DLGAP2: variants seen among roughly 807,000 people sequenced by gnomAD.
DLGAP2 encodes DLG associated protein 2.
A neutral mutation model predicts 100.3 loss-of-function variants in DLGAP2; 26 were observed. The observed-to-expected ratio is 0.26, with a 90% CI of 0.19 to 0.36. DLGAP2 has a LOEUF of 0.36. Ranked by LOEUF, DLGAP2 falls within the 10% of genes least tolerant of loss-of-function variation. The pLI, the probability that DLGAP2 is intolerant of heterozygous loss-of-function variation, is 1.00. For synonymous variants in DLGAP2, 886 were observed against 630.1 expected, an observed-to-expected ratio of 1.41 and a Z score of -6.08; for missense variants, 1,858 against 1,453.2, an observed-to-expected ratio of 1.28 and a Z score of -4.53.
intron 1 of DLGAP2, among the ~76,000 whole-genome samples, chr8:907,304 C>T (rs934206896): frequency 1.3e-5 from 2 of 152,298 alleles, no homozygotes; most frequent in African/African-American, 2.4e-5. Flanking sequence ...TTCAGCTGCA[C>T]GTTACCGGAG....
At chr8:1,619,423 C>T (rs1585001523) in intron 6 of DLGAP2, among the ~76,000 whole-genome samples, 1 of 152,226 alleles carries the variant, frequency 6.6e-6, no homozygotes, top group African/African-American at 2.4e-5. Context: ...TATCAATTTT[C>T]TCTCAATTAA....
chr8:827,820 A>G (rs999975344), intron 1 of DLGAP2, among the ~76,000 whole-genome samples: 1 of 152,170 alleles, frequency 6.6e-6, no homozygotes, highest in African/African-American at 2.4e-5. Flanking sequence ...TTATCGGGGG[A>G]CCTGCCCCGA....
intron 2 of DLGAP2, among the ~76,000 whole-genome samples, chr8:1,007,931 G>A (rs934458968): frequency 6.6e-6 from 1 of 152,102 alleles, no homozygotes; most frequent in African/African-American, 2.4e-5. Flanking sequence ...ACTCCATGGC[G>A]CCCGGTCCGT....
chr8:1,188,358 G>A (rs867159833), intron 2 of DLGAP2, among the ~76,000 whole-genome samples: 147 of 133,270 alleles, frequency 1.1e-3, no homozygotes, highest in Middle Eastern at 4.3e-3. Context: ...CGGGACCTCC[G>A]TGACGTTTGC....
chr8:1,522,543 C>T (rs1800642639), intron 4 of DLGAP2, among the ~76,000 whole-genome samples: 1 of 152,196 alleles, frequency 6.6e-6, no homozygotes, highest in African/African-American at 2.4e-5. Flanking sequence ...ATCAGCAGAT[C>T]CTTTACTTCC....
intron 7 of DLGAP2, among the ~76,000 whole-genome samples, chr8:1,631,313 T>C (rs1797639425): frequency 6.6e-6 from 1 of 152,080 alleles, no homozygotes; most frequent in Non-Finnish European, 1.5e-5. Context: ...GGGTCGGGCT[T>C]ACAGAAGGGT....
intron 4 of DLGAP2, among the ~76,000 whole-genome samples, chr8:1,545,284 C>T (rs988247188): frequency 4.6e-5 from 7 of 152,134 alleles, no homozygotes; most frequent in Admixed American, 1.3e-4. Flanking sequence ...ACAAGCACGG[C>T]GTGCACCCTG....
intron 6 of DLGAP2, among the ~76,000 whole-genome samples, chr8:1,594,610 G>C (rs1240872346): frequency 6.6e-6 from 1 of 152,070 alleles, no homozygotes; most frequent in Admixed American, 6.6e-5. Context: ...TCACCAAACA[G>C]ATGGGGTTTC....
intron 3 of DLGAP2, among the ~76,000 whole-genome samples, chr8:1,360,612 C>G (rs1301639450): frequency 1.3e-5 from 2 of 152,076 alleles, no homozygotes; most frequent in African/African-American, 4.8e-5. Flanking sequence ...CACAGGAAAT[C>G]CACCTCAGCC....
chr8:1,116,159 G>A (rs1468379065), intron 2 of DLGAP2, among the ~76,000 whole-genome samples: 1 of 152,216 alleles, frequency 6.6e-6, no homozygotes, highest in African/African-American at 2.4e-5. Flanking sequence ...TCCCCATGGG[G>A]TGCGCAGGCG....
At chr8:1,332,322 G>A (rs1699422725) in intron 3 of DLGAP2, among the ~76,000 whole-genome samples, 1 of 152,032 alleles carries the variant, frequency 6.6e-6, no homozygotes, top group African/African-American at 2.4e-5. Context: ...GTGTCTGTAT[G>A]CGAGGGTATA....
At chr8:765,376 A>G (rs1821184449) in intron 1 of DLGAP2, among the ~76,000 whole-genome samples, 1 of 152,172 alleles carries the variant, frequency 6.6e-6, no homozygotes, top group Admixed American at 6.5e-5. Context: ...TAAACCTGTT[A>G]TGCGGTGGAT....
intron 3 of DLGAP2, among the ~76,000 whole-genome samples, chr8:1,357,750 G>T (rs974065066): frequency 6.6e-6 from 1 of 152,214 alleles, no homozygotes; most frequent in African/African-American, 2.4e-5. Context: ...AGCAAGCGCT[G>T]TGTTCTGCTG....
chr8:793,133 A>G (rs749932764), intron 1 of DLGAP2, among the ~76,000 whole-genome samples: 19 of 152,012 alleles, frequency 1.2e-4, no homozygotes, highest in Non-Finnish European at 1.9e-4. Flanking sequence ...GTTAATTTTT[A>G]TTCGCTTTTC....
Position 737,733 on chromosome 8 carries a change from C to T in DLGAP2, c.-75C>T. The T allele has an allele frequency of 1.3e-5, 5 of 375,370 alleles. No homozygotes were observed. Among genetic ancestry groups the T allele is most frequent in the Non-Finnish European group, 2.4e-5 (5 of 210,812 alleles). 23.3% of individuals were successfully genotyped at this position (375,370 alleles called of 1,614,324 possible). On this transcript the variant is annotated 5_prime_UTR_variant, in exon 1 of 15. Transcript: ENST00000637795. ...GACGTACTGACCCCAACCCGCGAGC[C>T]CCGGGAGCCGTCGGTCTGAGGAGGG... is the stretch of plus-strand genomic sequence containing the variant.
intron 3 of DLGAP2, among the ~76,000 whole-genome samples, chr8:1,282,710 C>T (rs1799841440): frequency 7.5e-6 from 1 of 133,842 alleles, no homozygotes; most frequent in South Asian, 2.6e-4. Flanking sequence ...CGTGGTGTGA[C>T]CTGAACCCAG....
At chr8:927,415 A>G (rs770054711) in intron 2 of DLGAP2, among the ~76,000 whole-genome samples, 11 of 152,174 alleles carry the variant, frequency 7.2e-5, no homozygotes, top group Non-Finnish European at 1.2e-4. Context: ...CTACCTGAGC[A>G]TACGCGGCAC....
intron 2 of DLGAP2, chr8:1,246,650 CGAT>C (rs1798907754): frequency 2.0e-5 from 3 of 152,290 alleles, no homozygotes; most frequent in Admixed American, 2.0e-4. Context: ...TGCTTTCACA[CGAT>C]GAAGATGGAA....
At chr8:1,323,736 A>G (rs558110816) in intron 3 of DLGAP2, among the ~76,000 whole-genome samples, 5 of 152,204 alleles carry the variant, frequency 3.3e-5, no homozygotes, top group Admixed American at 1.3e-4. Flanking sequence ...CTCCGCTCCA[A>G]TGACTGGTCG....
Sources: gnomAD v4.1 joint callset for allele counts (sites outside exome capture counted in the v4.1 genomes callset) on GRCh38, gnomAD v4.1.1 for gene constraint, MANE v1.5 for transcripts, NCBI Gene and HGNC (gene_info 2026-07-23, HGNC 2026-07-21) for gene names.